Variants in ATG7 observed in about 807,000 individuals in gnomAD.
ATG7 encodes the protein ubiquitin-like modifier-activating enzyme ATG7.
ATG7 carries 70 observed loss-of-function variants against 82.4 expected under a neutral mutation model. The observed-to-expected ratio is 0.85, with a 90% CI of 0.70 to 1.04. The LOEUF is 1.04. Ranked by LOEUF, ATG7 falls within the 50% of genes least tolerant of loss-of-function variation. ATG7 has a pLI of 0.00. For missense variants in ATG7, 792 were observed against 864.3 expected, an observed-to-expected ratio of 0.92 and a Z score of 1.05; for synonymous variants, 287 against 313.0, an observed-to-expected ratio of 0.92 and a Z score of 0.88.
chr3:11,454,796 A>G (rs1411708530), intron 20 of ATG7, among the ~76,000 whole-genome samples: 1 of 152,212 alleles, frequency 6.6e-6, no homozygotes, highest in East Asian at 1.9e-4. Context: ...ATTGAGTTAA[A>G]CAGATGTTCA....
intron 18 of ATG7, among the ~76,000 whole-genome samples, chr3:11,378,072 G>A (rs1275839336): frequency 3.6e-5 from 4 of 110,754 alleles, no homozygotes; most frequent in Non-Finnish European, 6.6e-5. Flanking sequence ...CTGTCACTCA[G>A]GCTGGATCTC....
At chr3:11,509,397 T>G (rs1185601345) in intron 20 of ATG7, among the ~76,000 whole-genome samples, 1 of 151,694 alleles carries the variant, frequency 6.6e-6, no homozygotes, top group African/African-American at 2.4e-5. Context: ...CAGTGTGGTT[T>G]TTTTTTTTTT....
rs565150930 is a variant in ATG7 at position 11,284,994 on chromosome 3, C to T, written c.-11+2556C>T. Among the ~76,000 whole-genome samples the T allele has an allele frequency of 2.0e-5, 3 of 151,846 alleles. No homozygotes were observed. In the East Asian group the frequency reaches 5.8e-4, roughly 29 times the overall value. ...CCCAAGTAGTTGGGACTATAGGCGC[C>T]CGCCACCATGCCCAGCTAATTTTTT... On this transcript the variant is annotated intron_variant, in intron 3 of 20. Coordinates refer to ENST00000693202, the MANE Select transcript of ATG7 (RefSeq NM_001349232.2).
chr3:11,438,532 C>CT lies in ATG7; in HGVS notation c.2079+11607dup, dbSNP rs1188234509. Among the ~76,000 whole-genome samples, 3 of 152,188 alleles carry CT rather than the reference C, an allele frequency of 2.0e-5. No individual in the cohort carries two copies. In the East Asian group the frequency reaches 5.8e-4, roughly 29 times the overall value. On this transcript the variant is annotated intron_variant, in intron 20 of 20. Coordinates refer to ENST00000693202, the MANE Select transcript of ATG7 (RefSeq NM_001349232.2). ...AGTGAGCCAAGATTGTACCACTGTACTCCAGCCTGGGAGACAGAGGGAGAC... is the reference window on the plus strand; with the variant it reads ...AGTGAGCCAAGATTGTACCACTGTACTTCCAGCCTGGGAGACAGAGGGAGAC...
intron 20 of ATG7, among the ~76,000 whole-genome samples, chr3:11,476,686 C>T (rs889067565): frequency 1.3e-5 from 2 of 152,040 alleles, no homozygotes; most frequent in Non-Finnish European, 2.9e-5. Flanking sequence ...TTTATTTTAG[C>T]CGAGTATTCT....
At chr3:11,522,145 C>G (rs2092458921) in intron 20 of ATG7, among the ~76,000 whole-genome samples, 3 of 152,156 alleles carry the variant, frequency 2.0e-5, no homozygotes, top group Admixed American at 2.0e-4. Flanking sequence ...AGCCCTTAAC[C>G]CAAGCATTAC....
At chr3:11,276,400 C>G (rs1465093404) in intron 1 of ATG7, among the ~76,000 whole-genome samples, 1 of 152,088 alleles carries the variant, frequency 6.6e-6, no homozygotes, top group East Asian at 1.9e-4. Flanking sequence ...TTTCATCAAC[C>G]CTTCTCATTT....
chr3:11,319,467 A>G (rs1009143840), intron 9 of ATG7, among the ~76,000 whole-genome samples: 1 of 152,114 alleles, frequency 6.6e-6, no homozygotes, highest in Non-Finnish European at 1.5e-5. Flanking sequence ...GGATGGAGAA[A>G]TGTTGGAATC....
intron 20 of ATG7, among the ~76,000 whole-genome samples, chr3:11,471,532 C>CTA (rs1212732181): frequency 7.9e-5 from 12 of 151,978 alleles, no homozygotes; most frequent in Non-Finnish European, 1.8e-4. Flanking sequence ...AAATAAGAAA[C>CTA]TTTAAATGAA....
At chr3:11,381,400 A>G (rs951033665) in intron 19 of ATG7, among the ~76,000 whole-genome samples, 1 of 152,174 alleles carries the variant, frequency 6.6e-6, no homozygotes, top group Non-Finnish European at 1.5e-5. Context: ...CAGGTTTTCT[A>G]TGGCTTTATG....
intron 18 of ATG7, among the ~76,000 whole-genome samples, chr3:11,372,497 C>T (rs1207097052): frequency 1.3e-5 from 2 of 150,308 alleles, no homozygotes; most frequent in Non-Finnish European, 3.0e-5. Flanking sequence ...TAAAATGAAC[C>T]CATTTTAGTA....
intron 3 of ATG7, among the ~76,000 whole-genome samples, chr3:11,287,129 A>T (rs535428618): frequency 5.9e-5 from 9 of 152,288 alleles, no homozygotes; most frequent in African/African-American, 2.2e-4. Context: ...GATTAGGGAC[A>T]TTGAAAGGAA....
rs869125190 is a variant in ATG7, at chr3:11,395,939, C to CAA, written c.1956+15912_1956+15913dup. ...TGGGCGACAGAGCGAGACTCTGTCT[C>CAA]AAAAAAAAAAAAAAAAAAAAAAAAA... is the stretch of plus-strand genomic sequence containing the variant. On this transcript the variant is annotated intron_variant, in intron 19 of 20. Coordinates refer to ENST00000693202, the MANE Select transcript of ATG7 (RefSeq NM_001349232.2). Among the ~76,000 whole-genome samples, 19 of 25,508 alleles carry CAA rather than the reference C, an allele frequency of 7.4e-4. 1 individual carries two copies. Among genetic ancestry groups the CAA allele is most frequent in the Non-Finnish European group, 9.7e-4 (13 of 13,428 alleles). The allele number at this position is 25,508 out of a possible 152,430, so 16.7% of individuals were successfully genotyped here.
intron 19 of ATG7, among the ~76,000 whole-genome samples, chr3:11,412,842 G>A (rs534456069): frequency 3.3e-5 from 5 of 152,088 alleles, no homozygotes; most frequent in East Asian, 3.9e-4. Flanking sequence ...TTATGATGGG[G>A]TGTATTTCCA....
intron 18 of ATG7, among the ~76,000 whole-genome samples, chr3:11,367,345 A>G (rs997411207): frequency 2.6e-5 from 4 of 152,116 alleles, no homozygotes; most frequent in African/African-American, 7.2e-5. Context: ...TGTACTTTGT[A>G]TGCAAAGAAG....
intron 3 of ATG7, among the ~76,000 whole-genome samples, chr3:11,285,171 CTT>C (rs768654707): frequency 4.2e-5 from 5 of 118,292 alleles, no homozygotes; most frequent in African/African-American, 3.3e-5. Flanking sequence ...AAAGCCCGGC[CTT>C]TTTTTTTTTT....
At chr3:11,488,833 A>G (rs991223751) in intron 20 of ATG7, among the ~76,000 whole-genome samples, 2 of 152,198 alleles carry the variant, frequency 1.3e-5, no homozygotes, top group Non-Finnish European at 2.9e-5. Context: ...TTTTGCATCA[A>G]TGTTCATCAA....
intron 20 of ATG7, among the ~76,000 whole-genome samples, chr3:11,534,998 C>T (rs891811626): frequency 1.3e-5 from 2 of 152,240 alleles, no homozygotes; most frequent in Non-Finnish European, 2.9e-5. Flanking sequence ...CATTCTCATC[C>T]CAAGGTCTTT....
chr3:11,445,018 C>T (rs190776342), intron 20 of ATG7, among the ~76,000 whole-genome samples: 2 of 152,164 alleles, frequency 1.3e-5, no homozygotes, highest in Non-Finnish European at 2.9e-5. Flanking sequence ...ACATCTCACA[C>T]CAGTCAGAAC....
Sources: gnomAD v4.1 joint callset for allele counts (sites outside exome capture counted in the v4.1 genomes callset) on GRCh38, gnomAD v4.1.1 for gene constraint, MANE v1.5 for transcripts, NCBI Gene and HGNC (gene_info 2026-07-23, HGNC 2026-07-21) for gene names.